The following SH2D4B variants were observed in gnomAD, a reference collection of about 807,000 sequenced individuals.
The protein encoded by SH2D4B is SH2 domain containing 4B.
In SH2D4B, 45 loss-of-function variants were observed where a neutral mutation model predicts 61.5. That is an observed-to-expected ratio of 0.73 (90% CI 0.58 to 0.94). SH2D4B has a LOEUF of 0.94. SH2D4B is among the 40% of genes least tolerant of loss of function. The pLI, the probability that SH2D4B is intolerant of heterozygous loss-of-function variation, is 0.00. For synonymous variants in SH2D4B, 224 were observed against 220.4 expected, an observed-to-expected ratio of 1.02 and a Z score of -0.14; for missense variants, 572 against 574.2, an observed-to-expected ratio of 1.00 and a Z score of 0.04.
chr10:80,557,359 T>C (rs926525589), intron 1 of SH2D4B, among the ~76,000 whole-genome samples: 2 of 152,136 alleles, frequency 1.3e-5, no homozygotes, highest in African/African-American at 4.8e-5. Context: ...ATGTGTTTAG[T>C]TTAATATCAG....
intron 5 of SH2D4B, among the ~76,000 whole-genome samples, chr10:80,607,949 T>C (rs1194046887): frequency 6.6e-6 from 1 of 152,158 alleles, no homozygotes; most frequent in Non-Finnish European, 1.5e-5. Context: ...CAGGCTGGAG[T>C]GCAGTGGCAC....
Position 80,553,853 on chromosome 10 carries a change from AAG to A in SH2D4B, c.184+15341_184+15342del, listed in dbSNP as rs146339849. Among the ~76,000 whole-genome samples, 636 of 152,340 alleles carry A rather than the reference AAG, an allele frequency of 4.2e-3. 6 individuals are homozygous for A. Among genetic ancestry groups the A allele is most frequent in the African/African-American group, 0.015 (612 of 41,576 alleles). On this transcript the variant is annotated intron_variant, in intron 1 of 7. Transcript: ENST00000646907. ...TTATGCCAGAGGCATGTATGACAGT[AAG>A]AGTGTCTGGGTTCCAATTTTGGCTA...
intron 6 of SH2D4B, among the ~76,000 whole-genome samples, chr10:80,615,021 C>T (rs1030557849): frequency 6.6e-6 from 1 of 152,242 alleles, no homozygotes; most frequent in African/African-American, 2.4e-5. Flanking sequence ...GGGAGGAAAC[C>T]CCCAGAGAGG....
intron 7 of SH2D4B, among the ~76,000 whole-genome samples, chr10:80,638,750 T>C (rs1186079581): frequency 6.6e-6 from 1 of 152,224 alleles, no homozygotes; most frequent in Non-Finnish European, 1.5e-5. Context: ...CCTGGATTCA[T>C]TGATTTTTTG....
chr10:80,609,468 T>C lies in SH2D4B; in HGVS notation c.905T>C (p.Ile302Thr), dbSNP rs147223384. 1.2e-4 allele frequency: 189 copies of C among 1,614,204 alleles called. No individual in the cohort carries two copies. In the African/African-American group the frequency reaches 2.3e-3, roughly 20 times the overall value. The change falls in exon 6 of 8, where the codon ATC becomes ACC. Residue 302 changes from isoleucine to threonine, a missense_variant. Ile to Thr is a moderately conservative substitution (Grantham distance 89, BLOSUM62 -1). Transcript: ENST00000646907. ...CTGCGCCCAGTCTCCAGAGATGTCA[T>C]CGTCCGCTGGTTTAAGGAGGAGCAG... ...RPLRPVSRDV[I>T]VRWFKEEQLP...
chr10:80,572,230 T>C (rs73307156), intron 3 of SH2D4B, among the ~76,000 whole-genome samples: 8,547 of 152,196 alleles, frequency 0.056, 622 homozygotes, highest in East Asian at 0.32. Context: ...GCCTAGAACA[T>C]TCCTTGTTCA....
Position 80,538,469 on chromosome 10 carries a change from G to A in SH2D4B, c.138G>A (p.Glu46=). 6.8e-7 allele frequency: 1 copy of A among 1,467,344 alleles called. No individual in the cohort carries two copies. The highest frequency in any genetic ancestry group is 9.0e-7 in the Non-Finnish European group (1 of 1,109,266). 90.9% of individuals were successfully genotyped at this position (1,467,344 alleles called of 1,614,324 possible). ...LRRWKERETW[E]ALAQDEGLRP... ...GCTGGAAGGAGCGGGAGACTTGGGA[G>A]GCCCTGGCCCAGGACGAGGGTCTCA... is the stretch of plus-strand genomic sequence containing the variant. Residue 46 remains glutamate, a synonymous_variant, in exon 1 of 8, where the codon GAG becomes GAA. Transcript: ENST00000646907. This position sits in a 1 kb window ranked among gnomAD's most constrained non-coding sequence, Gnocchi z 4.8.
rs969035370 is a variant in SH2D4B, at chr10:80,539,972, A to G, written c.184+1457A>G. On this transcript the variant is annotated intron_variant, in intron 1 of 7. Transcript: ENST00000646907. This position sits in a 1 kb window ranked among gnomAD's most constrained non-coding sequence, Gnocchi z 4.9. ...TGGTGAAATGACAAGCCACCTTGCCAGCACCACCCGGCCTGAGCCCTGGGG... is the reference window on the plus strand; with the variant it reads ...TGGTGAAATGACAAGCCACCTTGCCGGCACCACCCGGCCTGAGCCCTGGGG... Among the ~76,000 whole-genome samples, 4 of 152,116 alleles carry G rather than the reference A, an allele frequency of 2.6e-5. No individual in the cohort carries two copies. Among genetic ancestry groups the G allele is most frequent in the African/African-American group, 9.7e-5 (4 of 41,442 alleles).
chr10:80,604,559 G>A (rs554215281), intron 5 of SH2D4B, among the ~76,000 whole-genome samples: 1 of 152,264 alleles, frequency 6.6e-6, no homozygotes, highest in Middle Eastern at 3.4e-3. Flanking sequence ...GAAGAGTCCA[G>A]TCACCCCCAG....
intron 1 of SH2D4B, among the ~76,000 whole-genome samples, chr10:80,566,174 G>C (rs955351402): frequency 2.5e-4 from 38 of 149,102 alleles, no homozygotes; most frequent in African/African-American, 9.4e-4. Context: ...GTTTGGAGAA[G>C]AAGAGCCCTT....
At chr10:80,553,610 G>A (rs569105102) in intron 1 of SH2D4B, among the ~76,000 whole-genome samples, 1 of 152,310 alleles carries the variant, frequency 6.6e-6, no homozygotes, top group East Asian at 1.9e-4. Flanking sequence ...AGCAAGAGAG[G>A]GTCCAGGCTT....
Position 80,570,252 on chromosome 10 carries a change from A to T in SH2D4B, c.283A>T (p.Ile95Phe). The change falls in exon 2 of 8, where the codon ATC becomes TTC. Residue 95 changes from isoleucine (I) to phenylalanine (F), a missense_variant. Coordinates refer to ENST00000646907, the MANE Select transcript of SH2D4B (RefSeq NM_001388272.1). Reference protein sequence around the residue: ...EGPGDKPYEEISEELIAERAR... With the variant: ...EGPGDKPYEEFSEELIAERAR... Reference sequence around the variant, plus strand: ...CCCTGGTGACAAGCCCTACGAAGAGATCTCTGAGGAGCTGATTGCAGAGAG... The same window carrying T: ...CCCTGGTGACAAGCCCTACGAAGAGTTCTCTGAGGAGCTGATTGCAGAGAG... 1.2e-6 allele frequency: 2 copies of T among 1,614,034 alleles called. No individual in the cohort carries two copies. Among genetic ancestry groups the T allele is most frequent in the Non-Finnish European group, 1.7e-6 (2 of 1,180,014 alleles).
intron 6 of SH2D4B, among the ~76,000 whole-genome samples, chr10:80,618,599 G>C (rs1842684106): frequency 6.6e-6 from 1 of 152,148 alleles, no homozygotes. Context: ...TAATGATACT[G>C]TCTGGAAAGT....
intron 1 of SH2D4B, among the ~76,000 whole-genome samples, chr10:80,543,968 C>T (rs1483107930): frequency 1.6e-5 from 2 of 123,138 alleles, no homozygotes; most frequent in African/African-American, 3.7e-5. Context: ...TCAAAACAGA[C>T]CACTCGGCTC....
At chr10:80,559,118 CA>C (rs1033034027) in intron 1 of SH2D4B, among the ~76,000 whole-genome samples, 12 of 151,464 alleles carry the variant, frequency 7.9e-5, no homozygotes, top group African/African-American at 2.9e-4. Context: ...TTACATTTTC[CA>C]AAAAACAAAT....
rs1171618082 is a variant in SH2D4B, at chr10:80,644,999, A to G, written c.*914A>G. 1.3e-5 allele frequency: 2 copies of G among 152,182 alleles called. No homozygotes were observed. Among genetic ancestry groups the G allele is most frequent in the Non-Finnish European group, 2.9e-5 (2 of 68,032 alleles). 9.4% of individuals were successfully genotyped at this position (152,182 alleles called of 1,614,324 possible). ...AAGACTCACGCAATAACTCCTCGATAACTCTCAGTGATGGTATCTGTTGGT... is the reference window on the plus strand; with the variant it reads ...AAGACTCACGCAATAACTCCTCGATGACTCTCAGTGATGGTATCTGTTGGT... On this transcript the variant is annotated 3_prime_UTR_variant, in exon 8 of 8. Transcript: ENST00000646907.
chr10:80,543,600 C>CGCACCGCGCGGGA lies in SH2D4B; in HGVS notation c.184+5086_184+5098dup, dbSNP rs1841617148. Among the ~76,000 whole-genome samples, 12 of 152,358 alleles carry CGCACCGCGCGGGA rather than the reference C, an allele frequency of 7.9e-5. No homozygotes were observed. In the South Asian group the frequency reaches 2.5e-3, roughly 32 times the overall value. On this transcript the variant is annotated intron_variant, in intron 1 of 7. Transcript: ENST00000646907. ...CCACTCAAGGGCTGAGGAGTGCGGGCGCACCGCGCGGGACTGGCAGGCAGC... is the reference window on the plus strand; with the variant it reads ...CCACTCAAGGGCTGAGGAGTGCGGGCGCACCGCGCGGGAGCACCGCGCGGGACTGGCAGGCAGC...
intron 4 of SH2D4B, among the ~76,000 whole-genome samples, chr10:80,599,111 G>A (rs1005672675): frequency 6.6e-6 from 1 of 152,134 alleles, no homozygotes; most frequent in African/African-American, 2.4e-5. Flanking sequence ...AGTGATATGG[G>A]TTCCATTTCC....
chr10:80,587,570 C>T (rs536232613), intron 3 of SH2D4B, among the ~76,000 whole-genome samples: 52 of 152,256 alleles, frequency 3.4e-4, no homozygotes, highest in Admixed American at 2.0e-3. Flanking sequence ...TGAGCCACGA[C>T]GCCCAGCTTT....
Sources: gnomAD v4.1 joint callset for allele counts (sites outside exome capture counted in the v4.1 genomes callset) on GRCh38, gnomAD v4.1.1 for gene constraint, Gnocchi (gnomAD v3.1) non-coding constraint, MANE v1.5 for transcripts, NCBI Gene and HGNC (gene_info 2026-07-23, HGNC 2026-07-21) for gene names.